Variants in BRCA2 observed in about 807,000 individuals in gnomAD.
BRCA2 encodes BRCA2 DNA repair associated.
Under a neutral mutation model 276.7 loss-of-function variants are expected in BRCA2, and 203 were observed. The observed-to-expected ratio is 0.73, with a 90% CI of 0.65 to 0.82. The LOEUF (loss-of-function observed/expected upper bound fraction) is 0.82, where lower values mean the gene tolerates loss of function less well. Among genes scored for constraint, BRCA2 ranks in the 40% least tolerant of loss-of-function variants. BRCA2 has a pLI of 0.00. For synonymous variants in BRCA2, 1,289 were observed against 1,338.4 expected, an observed-to-expected ratio of 0.96 and a Z score of 0.81; for missense variants, 3,920 against 3,915.0, an observed-to-expected ratio of 1.00 and a Z score of -0.03.
chr13:32,344,384 G>T (rs916100717), intron 11 of BRCA2, among the ~76,000 whole-genome samples, 174 bp from the exon 12 acceptor site: 2 of 152,052 alleles, frequency 1.3e-5, no homozygotes, highest in African/African-American at 4.8e-5. Context: ...AAATGTAATT[G>T]ACATTGAAGA....
At chr13:32,341,321 C>A in intron 11 of BRCA2, 125 bp downstream of exon 11, 1 of 1,362,036 alleles carries the variant, frequency 7.3e-7, no homozygotes, top group Non-Finnish European at 1.0e-6. Context: ...TTTGTGTAGT[C>A]AGTTTGGGGG....
intron 24 of BRCA2, among the ~76,000 whole-genome samples, chr13:32,391,314 CAGA>C (rs755175563): frequency 1.5e-4 from 23 of 152,136 alleles, no homozygotes; most frequent in Non-Finnish European, 2.6e-4. Flanking sequence ...CAGGATTGGG[CAGA>C]AGAAGAAGAA....
rs1555287056 is a variant in BRCA2, at chr13:32,363,433, G to A, written c.8231G>A (p.Arg2744Lys). The A allele has an allele frequency of 6.2e-7, 1 of 1,614,168 alleles. No homozygotes were observed. The highest frequency in any genetic ancestry group is 1.1e-5 in the South Asian group (1 of 91,080). ...CTCTTAGCTGTCTTAAAGAATGGCAGACTGACAGTTGGTCAGAAGATTATT... is the reference window on the plus strand; with the variant it reads ...CTCTTAGCTGTCTTAAAGAATGGCAAACTGACAGTTGGTCAGAAGATTATT... ...PPLLAVLKNG[R>K]LTVGQKIILH... Residue 2744 changes from arginine to lysine, a missense_variant, in exon 18 of 27, where the codon AGA becomes AAA. By Grantham distance (26) the Arg-to-Lys change is conservative. This residue lies in a region of BRCA2 where 3,263 missense variants were observed against 3,156.9 expected (regional missense o/e 1.03). Coordinates refer to ENST00000380152, the MANE Select transcript of BRCA2 (RefSeq NM_000059.4).
Position 32,324,104 on chromosome 13 carries a change from T to TA in BRCA2, c.317-971dup, listed in dbSNP as rs1430111970. Among the ~76,000 whole-genome samples the TA allele has an allele frequency of 2.0e-5, 3 of 152,342 alleles. No homozygotes were observed. In the East Asian group the frequency reaches 5.8e-4, roughly 29 times the overall value. ...CAGACATTTTTGTAGTTGCTAGGGA[T>TA]ACAGTGACAAATAAGACAAAATCTC... On this transcript the variant is annotated intron_variant, in intron 3 of 26. Coordinates refer to ENST00000380152, the MANE Select transcript of BRCA2 (RefSeq NM_000059.4).
chr13:32,322,731 T>A (rs531566774), intron 3 of BRCA2, among the ~76,000 whole-genome samples: 1 of 152,212 alleles, frequency 6.6e-6, no homozygotes, highest in Non-Finnish European at 1.5e-5. Flanking sequence ...CAGCAATATG[T>A]GTTTAAGGTT....
In BRCA2 at chr13:32,316,848, T is replaced by C. The variant is rs555088059; in HGVS notation, c.67+321T>C. Reference sequence around the variant, plus strand: ...GTACTCCTTATACTCTTAAAAATGATCTAGGACCCCCGGAGTGCTTTTGTT... The same window carrying C: ...GTACTCCTTATACTCTTAAAAATGACCTAGGACCCCCGGAGTGCTTTTGTT... On this transcript the variant is annotated intron_variant, in intron 2 of 26. Transcript: ENST00000380152. Among the ~76,000 whole-genome samples the C allele has an allele frequency of 9.2e-5, 14 of 152,316 alleles. No individual in the cohort carries two copies. The South Asian group carries it at 2.3e-3, about 25-fold the overall frequency.
intron 24 of BRCA2, among the ~76,000 whole-genome samples, chr13:32,381,637 C>G (rs925919656): frequency 2.0e-5 from 3 of 152,062 alleles, no homozygotes; most frequent in Non-Finnish European, 4.4e-5. Flanking sequence ...AGAGCCAGGT[C>G]GTGTGGGGGT....
intron 18 of BRCA2, among the ~76,000 whole-genome samples, chr13:32,369,571 AAT>A (rs1388101489): frequency 1.3e-5 from 2 of 151,968 alleles, no homozygotes; most frequent in Non-Finnish European, 2.9e-5. Flanking sequence ...TTGTGAAGAT[AAT>A]TTGTTTGTTT....
rs376931156 is a variant in BRCA2 at position 32,319,218 on chromosome 13, C to T, written c.209C>T (p.Ser70Phe). 4 of 1,613,754 alleles carry T rather than the reference C, an allele frequency of 2.5e-6. No homozygotes were observed. The highest frequency in any genetic ancestry group is 3.4e-6 in the Non-Finnish European group (4 of 1,179,754). ...TTTAAAACTCCACAAAGGAAACCAT[C>T]TTATAATCAGCTGGCTTCAACTCCA... is the stretch of plus-strand genomic sequence containing the variant. ...NLFKTPQRKP[S>F]YNQLASTPII... Residue 70 changes from serine (S) to phenylalanine (F), a missense_variant, in exon 3 of 27, where the codon TCT (serine) becomes TTT (phenylalanine). Around this residue, in one of 2 missense-constraint regions of BRCA2, gnomAD observed 3,263 missense variants for 3,156.9 expected, o/e 1.03. Transcript: ENST00000380152.
Position 32,370,852 on chromosome 13 carries a change from C to T in BRCA2, c.8488-104C>T, listed in dbSNP as rs536426998. On this transcript the variant is annotated intron_variant, in intron 19 of 26. Transcript: ENST00000380152. The stretch of plus-strand genomic sequence containing the variant: ...AGGTGATCCACTAATCTCAGCCTCC[C>T]AAAGTTCTGGGATTACAGATGTGAG... 4.1e-5 allele frequency: 60 copies of T among 1,454,260 alleles called. No homozygotes were observed. The South Asian group carries it at 6.7e-4, about 16-fold the overall frequency. The allele number at this position is 1,454,260 out of a possible 1,614,324, so 90.1% of individuals were successfully genotyped here.
chr13:32,388,359 T>G (rs1424897366), intron 24 of BRCA2, among the ~76,000 whole-genome samples: 1 of 152,158 alleles, frequency 6.6e-6, no homozygotes, highest in East Asian at 1.9e-4. Context: ...GCTCAGGCAT[T>G]CTGCTTGCCT....
At chr13:32,384,928 T>G (rs1286222139) in intron 24 of BRCA2, 3 of 337,278 alleles carry the variant, frequency 8.9e-6, no homozygotes, top group African/African-American at 2.2e-5. Flanking sequence ...AAGATGCCAA[T>G]CAGATTTGAG....
chr13:32,398,983 A>C lies in BRCA2; in HGVS notation c.*213A>C, dbSNP rs1417259789. ...GCTTCAGTTGCATATCTTAAAACTA[A>C]ATGTAATTTATTAACTAATCAAGAA... On this transcript the variant is annotated 3_prime_UTR_variant, in exon 27 of 27. Transcript: ENST00000380152. The C allele has an allele frequency of 1.8e-6, 1 of 548,502 alleles. No individual in the cohort carries two copies. The highest frequency in any genetic ancestry group is 1.9e-5 in the African/African-American group (1 of 52,108). 34.0% of individuals were successfully genotyped at this position (548,502 alleles called of 1,614,324 possible). A position where few individuals can be genotyped will look rare whatever the true frequency, so the allele number is the denominator to read the frequency against.
At chr13:32,350,684 C>T (rs964184601) in intron 13 of BRCA2, among the ~76,000 whole-genome samples, 2 of 151,696 alleles carry the variant, frequency 1.3e-5, no homozygotes, top group Admixed American at 6.6e-5. Context: ...ACCCAGGAGG[C>T]GGAGCTTTCA....
chr13:32,320,326 A>G (rs1352275248), intron 3 of BRCA2, among the ~76,000 whole-genome samples: 2 of 152,174 alleles, frequency 1.3e-5, no homozygotes, highest in African/African-American at 2.4e-5. Flanking sequence ...TCTAAACTTG[A>G]TATGGCTTTC....
In BRCA2 at chr13:32,316,406, GTCT is replaced by G. The variant is rs276174798; in HGVS notation, c.-39-12_-39-10del. Reference sequence around the variant, plus strand: ...TGCATCCCTGTGTAAGTGCATTTTGGTCTTCTGTTTTGCAGACTTATTTACCAA... The same window carrying G: ...TGCATCCCTGTGTAAGTGCATTTTGGTCTGTTTTGCAGACTTATTTACCAA... On this transcript the variant is annotated splice_polypyrimidine_tract_variant and intron_variant, in intron 1 of 26. Transcript: ENST00000380152. 4.2e-5 allele frequency: 62 copies of G among 1,492,708 alleles called. No individual in the cohort carries two copies. The highest frequency in any genetic ancestry group is 5.5e-5 in the Non-Finnish European group (59 of 1,071,184). The allele number at this position is 1,492,708 out of a possible 1,614,324, so 92.5% of individuals were successfully genotyped here. A position where few individuals can be genotyped will look rare whatever the true frequency, so the allele number is the denominator to read the frequency against.
intron 3 of BRCA2, among the ~76,000 whole-genome samples, chr13:32,320,867 A>G (rs1405308458): frequency 1.3e-5 from 2 of 152,254 alleles, no homozygotes; most frequent in African/African-American, 2.4e-5. Flanking sequence ...TGTCTGTGCC[A>G]TTAGAATCTT....
intron 21 of BRCA2, among the ~76,000 whole-genome samples, chr13:32,377,288 A>G (rs1265277193): frequency 6.6e-6 from 1 of 152,158 alleles, no homozygotes; most frequent in African/African-American, 2.4e-5. Context: ...TTATTAGCAA[A>G]GTAAATGACA....
intron 13 of BRCA2, among the ~76,000 whole-genome samples, chr13:32,348,352 G>A (rs1180358759): frequency 6.7e-6 from 1 of 149,006 alleles, no homozygotes; most frequent in Non-Finnish European, 1.5e-5. Flanking sequence ...GGCCCACTGA[G>A]TGAGCACACA....
Sources: gnomAD v4.1 joint callset for allele counts (sites outside exome capture counted in the v4.1 genomes callset) on GRCh38, gnomAD v4.1.1 for gene constraint, gnomAD v4.1.1 regional missense constraint, MANE v1.5 for transcripts, NCBI Gene and HGNC (gene_info 2026-07-23, HGNC 2026-07-21) for gene names.